The following PKP4 variants were observed in gnomAD, a reference collection of about 807,000 sequenced individuals.
The protein encoded by PKP4 is plakophilin-4.
In PKP4, 90 loss-of-function variants were observed where a neutral mutation model predicts 145.1. The observed-to-expected ratio is 0.62, with a 90% CI of 0.52 to 0.74. PKP4 has a LOEUF of 0.74. Among genes scored for constraint, PKP4 ranks in the 30% least tolerant of loss-of-function variants. The probability of loss-of-function intolerance (pLI) is 0.00; values close to 1 mark genes in which losing one functional copy is unlikely to be tolerated. For synonymous variants in PKP4, 563 were observed against 577.2 expected (o/e 0.98, Z 0.35); for missense variants, 1,340 against 1,482.7 (o/e 0.90, Z 1.58).
At chr2:158,462,947 G>T (rs1689999827) in intron 1 of PKP4, among the ~76,000 whole-genome samples, 1 of 152,208 alleles carries the variant, frequency 6.6e-6, no homozygotes, top group South Asian at 2.1e-4. Flanking sequence ...TTTTTACATT[G>T]TGGTGCTTTT....
intron 11 of PKP4, among the ~76,000 whole-genome samples, chr2:158,646,809 A>G (rs913855595): frequency 6.6e-6 from 1 of 152,184 alleles, no homozygotes; most frequent in Non-Finnish European, 1.5e-5. Flanking sequence ...CATACAAAGT[A>G]GCCGCCATCA....
chr2:158,558,998 G>A (rs1364078775), intron 2 of PKP4, among the ~76,000 whole-genome samples: 6 of 152,138 alleles, frequency 3.9e-5, no homozygotes, highest in Non-Finnish European at 8.8e-5. Flanking sequence ...TCAGAGAAAA[G>A]TCTCACCTGG....
intron 1 of PKP4, among the ~76,000 whole-genome samples, chr2:158,466,546 A>AG (rs1690643823): frequency 6.6e-6 from 1 of 151,734 alleles, no homozygotes; most frequent in African/African-American, 2.4e-5. Context: ...AAAATACAAA[A>AG]AAAAAAAAAT....
chr2:158,662,868 T>C (rs1332259001), intron 13 of PKP4, 29 bp from the exon 14 acceptor site: 20 of 1,568,860 alleles, frequency 1.3e-5, no homozygotes, highest in Non-Finnish European at 1.7e-5. Flanking sequence ...GCCGAGTTGT[T>C]TTTAATTATA....
intron 3 of PKP4, among the ~76,000 whole-genome samples, chr2:158,579,880 T>G (rs1990156): frequency 0.72 from 108,649 of 151,714 alleles, 40,091 homozygotes; most frequent in Non-Finnish European, 0.8. Flanking sequence ...TTGCTATATA[T>G]ATAGCAATAC....
intron 3 of PKP4, among the ~76,000 whole-genome samples, chr2:158,591,931 C>G (rs944156916): frequency 6.6e-6 from 1 of 152,022 alleles, no homozygotes; most frequent in Non-Finnish European, 1.5e-5. Flanking sequence ...ATTCATGTTT[C>G]TTAAAAGAAA....
chr2:158,669,731 A>G lies in PKP4; in HGVS notation c.2740A>G (p.Met914Val). The G allele has an allele frequency of 1.3e-6, 2 of 1,583,852 alleles. No individual in the cohort carries two copies. Among genetic ancestry groups the G allele is most frequent in the Non-Finnish European group, 8.6e-7 (1 of 1,161,584 alleles). Residue 914 changes from methionine (M) to valine (V), a missense_variant, in exon 17 of 22, where the codon ATG becomes GTG. Coordinates refer to ENST00000389759, the MANE Select transcript of PKP4 (RefSeq NM_003628.6). ...TTTGCCGTTGGCAGGCAAATACGCC[A>G]TGCGAGACCTGGTCAACCGGCTCCC... ...RNKELIGKYA[M>V]RDLVNRLPGG...
intron 11 of PKP4, among the ~76,000 whole-genome samples, 156 bp from the exon 12 acceptor site, chr2:158,657,975 A>T (rs1329127055): frequency 1.3e-5 from 2 of 152,042 alleles, no homozygotes; most frequent in Non-Finnish European, 2.9e-5. Flanking sequence ...TTCACTCAAA[A>T]CTCATTAGAG....
At chr2:158,511,898 A>T (rs1170714239) in intron 1 of PKP4, among the ~76,000 whole-genome samples, 1 of 152,170 alleles carries the variant, frequency 6.6e-6, no homozygotes, top group Non-Finnish European at 1.5e-5. Flanking sequence ...GAAAAAAAAA[A>T]TGCTGAGTAA....
At chr2:158,523,142 G>A (rs1054890641) in intron 1 of PKP4, among the ~76,000 whole-genome samples, 4 of 152,050 alleles carry the variant, frequency 2.6e-5, no homozygotes, top group Non-Finnish European at 4.4e-5. Context: ...GCTCAAGGAG[G>A]CCTGCCTGCC....
At position 158,642,551 on chromosome 2, in the gene PKP4, G is replaced by A; in HGVS notation, c.1761G>A (p.Gln587=). The change falls in exon 11 of 22, where the codon CAG becomes CAA. Residue 587 remains glutamine (Q), a synonymous_variant. Transcript: ENST00000389759. ...DLLDHRVLEV[Q]KNACGALRNL... is the part of the protein sequence containing the mutation. Reference sequence around the variant, plus strand: ...TGGACCACAGAGTTTTGGAAGTTCAGAAGAATGCTTGTGGTGCCCTTCGAA... The same window carrying A: ...TGGACCACAGAGTTTTGGAAGTTCAAAAGAATGCTTGTGGTGCCCTTCGAA... The A allele has an allele frequency of 6.2e-7, 1 of 1,613,852 alleles. No individual in the cohort carries two copies. The highest frequency in any genetic ancestry group is 8.5e-7 in the Non-Finnish European group (1 of 1,179,782).
At chr2:158,532,729 C>A (rs908296438) in intron 1 of PKP4, among the ~76,000 whole-genome samples, 1 of 152,226 alleles carries the variant, frequency 6.6e-6, no homozygotes, top group Non-Finnish European at 1.5e-5. Flanking sequence ...TCAGATTCTT[C>A]TAAAGAAACC....
intron 4 of PKP4, among the ~76,000 whole-genome samples, chr2:158,606,168 G>A (rs1045759891): frequency 5.9e-5 from 9 of 151,906 alleles, no homozygotes; most frequent in South Asian, 2.1e-4. Flanking sequence ...TGTTTAACCC[G>A]TTAAGCAACT....
At chr2:158,483,878 G>A (rs1693737889) in intron 1 of PKP4, among the ~76,000 whole-genome samples, 1 of 152,106 alleles carries the variant, frequency 6.6e-6, no homozygotes, top group African/African-American at 2.4e-5. Context: ...TTCTACCAAA[G>A]TATTGTTAAA....
intron 11 of PKP4, among the ~76,000 whole-genome samples, chr2:158,650,815 A>G (rs1409014807): frequency 7.9e-6 from 1 of 126,988 alleles, no homozygotes; most frequent in Admixed American, 7.7e-5. Flanking sequence ...CAGAGAACAC[A>G]GGGGTGAGCA....
At chr2:158,460,484 A>G (rs1689596918) in intron 1 of PKP4, among the ~76,000 whole-genome samples, 1 of 152,208 alleles carries the variant, frequency 6.6e-6, no homozygotes, top group Non-Finnish European at 1.5e-5. Flanking sequence ...AGTAATTTCC[A>G]TGCTGTTACC....
intron 2 of PKP4, among the ~76,000 whole-genome samples, chr2:158,551,034 A>G (rs2045577435): frequency 6.6e-6 from 1 of 152,222 alleles, no homozygotes; most frequent in South Asian, 2.1e-4. Context: ...CATTTTTAGA[A>G]TAAGATTTTA....
intron 2 of PKP4, among the ~76,000 whole-genome samples, chr2:158,543,168 A>T (rs528560808): frequency 8.5e-5 from 13 of 152,260 alleles, no homozygotes; most frequent in Admixed American, 3.3e-4. Context: ...AGATTTTTTT[A>T]AATTTTTGGA....
intron 7 of PKP4, 73 bp downstream of exon 7, chr2:158,625,500 A>G (rs2052685814): frequency 2.4e-6 from 3 of 1,267,438 alleles, no homozygotes; most frequent in East Asian, 2.4e-5. Context: ...TGAAACAAAG[A>G]ATGAAAAGGT....
Sources: gnomAD v4.1 joint callset for allele counts (sites outside exome capture counted in the v4.1 genomes callset) on GRCh38, gnomAD v4.1.1 for gene constraint, MANE v1.5 for transcripts, NCBI Gene and HGNC (gene_info 2026-07-23, HGNC 2026-07-21) for gene names.